IMMP2L: variants seen among roughly 807,000 people sequenced by gnomAD.
IMMP2L encodes inner mitochondrial membrane peptidase subunit 2.
Under a neutral mutation model 19.3 loss-of-function variants are expected in IMMP2L, and 18 were observed. The ratio of observed to expected loss-of-function variants is 0.93; its 90% CI spans 0.64 to 1.38. IMMP2L has a LOEUF of 1.38. Ranked by LOEUF, IMMP2L falls within the 40% of genes most tolerant of loss-of-function variation. IMMP2L has a pLI of 0.00. For missense variants in IMMP2L, 233 were observed against 218.2 expected (o/e 1.07, Z -0.43); for synonymous variants, 76 against 73.0 (o/e 1.04, Z -0.21).
At chr7:111,561,115 G>A (rs886142152) in intron 1 of IMMP2L, among the ~76,000 whole-genome samples, 8 of 152,122 alleles carry the variant, frequency 5.3e-5, no homozygotes, top group Admixed American at 2.0e-4. Context: ...CAGGGGAGAG[G>A]GAAGCAGTGT....
chr7:111,462,858 C>T (rs1461285596), intron 3 of IMMP2L, among the ~76,000 whole-genome samples: 2 of 152,074 alleles, frequency 1.3e-5, no homozygotes, highest in East Asian at 1.9e-4. Context: ...GTCTTCGTGG[C>T]TCTGTGGCTA....
In IMMP2L at chr7:110,947,788, C is replaced by T. The variant is rs138923910; in HGVS notation, c.305+15712G>A. ...ATCAGTACACCTAGAGCTGAAGCAGCGTGGGATGCAGCAATTTTCACTGTC... is the reference window on the plus strand; with the variant it reads ...ATCAGTACACCTAGAGCTGAAGCAGTGTGGGATGCAGCAATTTTCACTGTC... On this transcript the variant is annotated intron_variant, in intron 4 of 5. Coordinates refer to ENST00000405709, the MANE Select transcript of IMMP2L (RefSeq NM_032549.4). 3.5e-3 allele frequency among the ~76,000 whole-genome samples: 532 copies of T among 152,202 alleles called. 6 individuals are homozygous for T. The highest frequency in any genetic ancestry group is 0.012 in the African/African-American group (513 of 41,506).
At chr7:111,242,927 C>G (rs555516970) in intron 3 of IMMP2L, among the ~76,000 whole-genome samples, 1 of 152,176 alleles carries the variant, frequency 6.6e-6, no homozygotes, top group Admixed American at 6.6e-5. Context: ...CTCTAACTCA[C>G]TGGTATTTCT....
intron 3 of IMMP2L, among the ~76,000 whole-genome samples, chr7:111,171,928 A>G (rs1162857281): frequency 7.7e-6 from 1 of 129,750 alleles, no homozygotes; most frequent in Non-Finnish European, 1.8e-5. Flanking sequence ...GTTAGGGGTG[A>G]AGAAAGGAAT....
intron 1 of IMMP2L, among the ~76,000 whole-genome samples, chr7:111,535,933 A>C (rs1055141299): frequency 2.6e-5 from 4 of 152,134 alleles, no homozygotes; most frequent in Admixed American, 1.3e-4. Context: ...TCTTCAGAGT[A>C]AAGGTTGATT....
chr7:111,468,190 T>G (rs983369498), intron 3 of IMMP2L, among the ~76,000 whole-genome samples: 1 of 152,154 alleles, frequency 6.6e-6, no homozygotes, highest in Admixed American at 6.6e-5. Flanking sequence ...CTGTACAGCT[T>G]AACCAAGATA....
intron 5 of IMMP2L, among the ~76,000 whole-genome samples, chr7:110,735,681 T>TAC (rs3051068): frequency 0.075 from 8,581 of 114,674 alleles, 411 homozygotes; most frequent in African/African-American, 0.14. Context: ...AGTAGACAAA[T>TAC]ACACACACAC....
chr7:111,016,863 TATATTAC>T (rs1465714552), intron 3 of IMMP2L, among the ~76,000 whole-genome samples: 1 of 86,538 alleles, frequency 1.2e-5, no homozygotes, highest in Non-Finnish European at 2.0e-5. Flanking sequence ...TATTATATAA[TATATTAC>T]ATATAATATA....
At chr7:111,013,497 G>A (rs1433491173) in intron 3 of IMMP2L, among the ~76,000 whole-genome samples, 3 of 152,062 alleles carry the variant, frequency 2.0e-5, no homozygotes, top group African/African-American at 7.2e-5. Context: ...AGATGAAAAC[G>A]GAAGGAGGGT....
At position 111,352,192 on chromosome 7, in the gene IMMP2L, G is replaced by A. The variant is rs145026988; in HGVS notation, c.239+135046C>T. Among the ~76,000 whole-genome samples the A allele has an allele frequency of 4.6e-5, 7 of 152,156 alleles. 1 individual carries two copies. The highest frequency in any genetic ancestry group is 2.1e-4 in the South Asian group (1 of 4,812). On this transcript the variant is annotated intron_variant, in intron 3 of 5. Coordinates refer to ENST00000405709, the MANE Select transcript of IMMP2L (RefSeq NM_032549.4). Reference sequence around the variant, plus strand: ...TTATAAAACCTACAGGAATGGTAATGCTTGACAGGATATGGGAGAAGTATT... The same window carrying A: ...TTATAAAACCTACAGGAATGGTAATACTTGACAGGATATGGGAGAAGTATT...
Position 110,864,728 on chromosome 7 carries a change from C to T in IMMP2L, c.408+21865G>A, listed in dbSNP as rs78679883. Among the ~76,000 whole-genome samples, 1,069 of 152,156 alleles carry T rather than the reference C, an allele frequency of 7.0e-3. 8 individuals carry two copies. The highest frequency in any genetic ancestry group is 0.022 in the African/African-American group (922 of 41,554). On this transcript the variant is annotated intron_variant, in intron 5 of 5. Coordinates refer to ENST00000405709, the MANE Select transcript of IMMP2L (RefSeq NM_032549.4). ...CCTGTGTATTGCCATATGCTAGACA[C>T]GCTGCATGAAATAAACATGCTTTAC... is the stretch of plus-strand genomic sequence containing the variant.
At chr7:111,243,120 T>G (rs181206911) in intron 3 of IMMP2L, among the ~76,000 whole-genome samples, 1 of 152,122 alleles carries the variant, frequency 6.6e-6, no homozygotes, top group Non-Finnish European at 1.5e-5. Flanking sequence ...TAAAGAGTAG[T>G]TGTTTTGAGA....
At chr7:111,529,744 G>A (rs1241000927) in intron 1 of IMMP2L, among the ~76,000 whole-genome samples, 1 of 152,156 alleles carries the variant, frequency 6.6e-6, no homozygotes, top group Non-Finnish European at 1.5e-5. Context: ...CTTTCATGGA[G>A]ATAATTGTGA....
intron 3 of IMMP2L, among the ~76,000 whole-genome samples, chr7:111,389,094 T>G (rs1401154213): frequency 6.6e-6 from 1 of 152,062 alleles, no homozygotes; most frequent in African/African-American, 2.4e-5. Flanking sequence ...AAGTACAAGA[T>G]AAGCTTGAAC....
chr7:111,420,564 A>AC (rs1179140077), intron 3 of IMMP2L, among the ~76,000 whole-genome samples: 1 of 31,066 alleles, frequency 3.2e-5, no homozygotes, highest in South Asian at 1.3e-3. Context: ...CCAGCCCCCC[A>AC]CCCCCCGATA....
At chr7:110,936,816 T>C (rs899476396) in intron 4 of IMMP2L, among the ~76,000 whole-genome samples, 10 of 152,240 alleles carry the variant, frequency 6.6e-5, no homozygotes, top group East Asian at 1.9e-4. Context: ...CTATCAATGA[T>C]AGACTAGATA....
chr7:111,096,507 T>TAA (rs1797410168), intron 3 of IMMP2L, among the ~76,000 whole-genome samples: 4 of 43,042 alleles, frequency 9.3e-5, no homozygotes, highest in African/African-American at 2.3e-4. Flanking sequence ...TGAGTTAAAT[T>TAA]TAAAAAAAAA....
At chr7:111,199,792 A>T (rs911181831) in intron 3 of IMMP2L, among the ~76,000 whole-genome samples, 6 of 152,110 alleles carry the variant, frequency 3.9e-5, no homozygotes, top group African/African-American at 9.7e-5. Context: ...CATCAACCTC[A>T]TTTCAGTAGA....
chr7:111,005,653 A>T (rs757689479), intron 3 of IMMP2L, among the ~76,000 whole-genome samples: 3 of 152,200 alleles, frequency 2.0e-5, no homozygotes, highest in Admixed American at 6.6e-5. Context: ...AACGACCAAG[A>T]TTAGTTTCTA....
Sources: allele counts gnomAD v4.1 joint callset (sites outside exome capture counted in the v4.1 genomes callset), GRCh38; gene constraint gnomAD v4.1.1; transcripts MANE v1.5; gene names NCBI Gene and HGNC (gene_info 2026-07-23, HGNC 2026-07-21).